The following ITPK1 variants were observed in gnomAD, a reference collection of about 807,000 sequenced individuals.
ITPK1 encodes inositol-tetrakisphosphate 1-kinase, also known as inositol 1,3,4-trisphosphate 5/6-kinase.
In ITPK1, 21 loss-of-function variants were observed where a neutral mutation model predicts 45.3. The observed-to-expected ratio is 0.46, with a 90% confidence interval of 0.33 to 0.67. The LOEUF is 0.67. ITPK1 is among the 30% of genes least tolerant of loss of function. ITPK1 has a pLI of 0.02. For synonymous variants in ITPK1, 258 were observed against 253.6 expected, an observed-to-expected ratio of 1.02 and a Z score of -0.16; for missense variants, 474 against 573.5, an observed-to-expected ratio of 0.83 and a Z score of 1.77.
At chr14:93,094,932 A>G (rs547745232) in intron 2 of ITPK1, among the ~76,000 whole-genome samples, 10 of 152,196 alleles carry the variant, frequency 6.6e-5, no homozygotes, top group African/African-American at 2.4e-4. Flanking sequence ...CGCTTTCTCC[A>G]CTACCTTCCA....
intron 2 of ITPK1, among the ~76,000 whole-genome samples, chr14:93,101,883 C>T (rs1303673351): frequency 6.6e-6 from 1 of 152,190 alleles, no homozygotes; most frequent in East Asian, 1.9e-4. Context: ...CACTTACCCT[C>T]TCTGAGCCTC....
intron 5 of ITPK1, among the ~76,000 whole-genome samples, chr14:92,963,867 T>G (rs987566872): frequency 6.6e-6 from 1 of 152,194 alleles, no homozygotes; most frequent in Non-Finnish European, 1.5e-5. Flanking sequence ...GGGACCACCC[T>G]GTACTTCAGG....
intron 6 of ITPK1, 141 bp downstream of exon 6, chr14:92,962,610 G>A (rs916345369): frequency 6.9e-5 from 53 of 768,762 alleles, no homozygotes; most frequent in East Asian, 5.2e-4. Flanking sequence ...TATGGTGTGG[G>A]TGGAGGTGGG....
chr14:93,111,710 CA>C (rs34085009), intron 2 of ITPK1, among the ~76,000 whole-genome samples: 3,219 of 76,694 alleles, frequency 0.042, 114 homozygotes, highest in African/African-American at 0.15. Flanking sequence ...GACTCCACCT[CA>C]AAAAAAAAAA....
intron 3 of ITPK1, among the ~76,000 whole-genome samples, chr14:93,038,206 T>G (rs1889399527): frequency 6.6e-6 from 1 of 152,130 alleles, no homozygotes; most frequent in African/African-American, 2.4e-5. Flanking sequence ...AGCTAACTTT[T>G]GTATTTTTTG....
Position 92,994,006 on chromosome 14 carries a change from G to A in ITPK1, c.247-9C>T, listed in dbSNP as rs1464320646. On this transcript the variant is annotated splice_polypyrimidine_tract_variant and intron_variant, in intron 4 of 10. Transcript: ENST00000267615. The stretch of plus-strand genomic sequence containing the variant: ...TGGGCATCGATGTACTCCTGAAAGG[G>A]AAGCATGCTGCTCTGGTTAGAGCAG... 6 of 1,580,726 alleles carry A rather than the reference G, an allele frequency of 3.8e-6. No homozygotes were observed. In the African/African-American group the frequency reaches 4.0e-5, roughly 11 times the overall value.
intron 5 of ITPK1, among the ~76,000 whole-genome samples, chr14:92,986,847 C>CA (rs1044106259): frequency 4.6e-5 from 7 of 152,214 alleles, no homozygotes; most frequent in Non-Finnish European, 8.8e-5. Context: ...TCAGTCCACT[C>CA]CTTTGAGTCT....
chr14:93,089,513 C>T (rs1415097833), intron 2 of ITPK1, among the ~76,000 whole-genome samples: 3 of 152,148 alleles, frequency 2.0e-5, no homozygotes, highest in Non-Finnish European at 4.4e-5. Flanking sequence ...ATGCCAGATG[C>T]CCACAGGCAG....
At chr14:92,963,457 G>A (rs1885192383) in intron 5 of ITPK1, among the ~76,000 whole-genome samples, 1 of 152,196 alleles carries the variant, frequency 6.6e-6, no homozygotes. Flanking sequence ...CATGGACACT[G>A]CCTGACCCCT....
intron 2 of ITPK1, among the ~76,000 whole-genome samples, chr14:93,112,265 C>T (rs1892783184): frequency 6.6e-6 from 1 of 152,100 alleles, no homozygotes; most frequent in Non-Finnish European, 1.5e-5. Flanking sequence ...GAACCTGCCC[C>T]CTCTCTTGAT....
At chr14:93,062,642 G>C (rs916416599) in intron 3 of ITPK1, among the ~76,000 whole-genome samples, 9 of 150,980 alleles carry the variant, frequency 6.0e-5, no homozygotes, top group Admixed American at 2.6e-4. Flanking sequence ...CTTCTGGAGG[G>C]TCAGAACATC....
intron 2 of ITPK1, among the ~76,000 whole-genome samples, chr14:93,084,824 T>G (rs534403995): frequency 6.6e-6 from 1 of 152,290 alleles, no homozygotes; most frequent in Admixed American, 6.5e-5. Flanking sequence ...CTGATCCCCC[T>G]GCCAGGCACC....
At chr14:93,020,380 G>A (rs1888408452) in intron 3 of ITPK1, among the ~76,000 whole-genome samples, 1 of 152,230 alleles carries the variant, frequency 6.6e-6, no homozygotes, top group Admixed American at 6.5e-5. Context: ...CCAATCCACT[G>A]CTTCTGAACA....
At chr14:93,003,997 T>C (rs1249541511) in intron 4 of ITPK1, among the ~76,000 whole-genome samples, 4 of 152,262 alleles carry the variant, frequency 2.6e-5, no homozygotes, top group Non-Finnish European at 4.4e-5. Flanking sequence ...GATTCTGTGA[T>C]GTGACGAACA....
At chr14:92,950,160 G>A (rs972078836) in intron 9 of ITPK1, among the ~76,000 whole-genome samples, 1 of 152,244 alleles carries the variant, frequency 6.6e-6, no homozygotes, top group Non-Finnish European at 1.5e-5. Context: ...AGCAAAAAAT[G>A]TATGGGGCCC....
At chr14:93,098,238 C>T (rs1170856488) in intron 2 of ITPK1, among the ~76,000 whole-genome samples, 4 of 151,960 alleles carry the variant, frequency 2.6e-5, no homozygotes, top group Non-Finnish European at 5.9e-5. Context: ...AGGCAGATCA[C>T]GAGGTCAGGA....
chr14:93,019,073 C>T (rs1376841494), intron 3 of ITPK1, among the ~76,000 whole-genome samples: 1 of 152,248 alleles, frequency 6.6e-6, no homozygotes, highest in Non-Finnish European at 1.5e-5. Flanking sequence ...GCAGAGAACA[C>T]TGGGCTCTCA....
At chr14:92,954,917 C>T (rs535806262) in intron 8 of ITPK1, among the ~76,000 whole-genome samples, 104 of 152,320 alleles carry the variant, frequency 6.8e-4, no homozygotes, top group African/African-American at 2.5e-3. Flanking sequence ...TTCTCTTCCC[C>T]TCAGAACCCC....
chr14:93,045,914 A>C (rs980640763), intron 3 of ITPK1, among the ~76,000 whole-genome samples: 4 of 152,166 alleles, frequency 2.6e-5, no homozygotes, highest in African/African-American at 7.2e-5. Context: ...AGTGCCCCCA[A>C]ATGAGGACCC....
Sources: gnomAD v4.1 joint callset for allele counts (sites outside exome capture counted in the v4.1 genomes callset) on GRCh38, gnomAD v4.1.1 for gene constraint, MANE v1.5 for transcripts, NCBI Gene and HGNC (gene_info 2026-07-23, HGNC 2026-07-21) for gene names.